RNF213: variants seen among roughly 807,000 people sequenced by gnomAD.
The protein encoded by RNF213 is E3 ubiquitin-protein ligase RNF213.
In RNF213, 341 loss-of-function variants were observed where a neutral mutation model predicts 514.4. That is an observed-to-expected ratio of 0.66 (90% CI 0.61 to 0.73). The LOEUF (loss-of-function observed/expected upper bound fraction) is 0.73, where lower values mean the gene tolerates loss of function less well. Among genes scored for constraint, RNF213 ranks in the 30% least tolerant of loss-of-function variants. The pLI, the probability that RNF213 is intolerant of heterozygous loss-of-function variation, is 0.00. For missense variants in RNF213, 5,767 were observed against 6,615.6 expected, an observed-to-expected ratio of 0.87 and a Z score of 4.45; for synonymous variants, 2,655 against 2,658.2, an observed-to-expected ratio of 1.00 and a Z score of 0.04.
In RNF213 at chr17:80,307,195, G is replaced by A. The variant is rs747763913; in HGVS notation, c.2495G>A (p.Arg832Gln). The A allele has an allele frequency of 2.0e-5, 32 of 1,613,350 alleles. No individual in the cohort carries two copies. Among genetic ancestry groups the A allele is most frequent in the African/African-American group, 5.3e-5 (4 of 74,806 alleles). ...CTGTTGCGACTCCTGGACACTTACC[G>A]GGACAAGTAAGTGGAAAGCACGATG... ...EMLLRLLDTYRDKIPEEALSP... is the reference protein window; with the variant it reads ...EMLLRLLDTYQDKIPEEALSP... Residue 832 changes from arginine (R) to glutamine (Q), a missense_variant, in exon 13 of 68, where the codon CGG becomes CAG. Arg to Gln is a conservative substitution (Grantham distance 43). This residue lies in a region of RNF213 where 592 missense variants were observed against 673.9 expected (regional missense o/e 0.88). Transcript: ENST00000582970.
At chr17:80,349,542 CT>C (rs960735449) in intron 29 of RNF213, among the ~76,000 whole-genome samples, 4 of 152,180 alleles carry the variant, frequency 2.6e-5, no homozygotes, top group African/African-American at 9.7e-5. Flanking sequence ...GGAAGGCACC[CT>C]CGGGGCAGGG....
intron 55 of RNF213, among the ~76,000 whole-genome samples, chr17:80,380,132 A>AT (rs2079928002): frequency 6.6e-6 from 1 of 152,104 alleles, no homozygotes; most frequent in Non-Finnish European, 1.5e-5. Flanking sequence ...TCCATTTTTT[A>AT]TTTTTTGAGA....
At chr17:80,318,608 C>G (rs1599012777) in intron 16 of RNF213, among the ~76,000 whole-genome samples, 1 of 151,862 alleles carries the variant, frequency 6.6e-6, no homozygotes, top group South Asian at 2.1e-4. Context: ...GGGTCTCGCT[C>G]TATCGCCCAG....
intron 60 of RNF213, 41 bp from the exon 61 acceptor site, chr17:80,385,497 G>C (rs1327744948): frequency 8.9e-6 from 14 of 1,580,278 alleles, no homozygotes; most frequent in African/African-American, 1.3e-5. Flanking sequence ...CTTTCAGGGG[G>C]TTGCTATCAT....
At chr17:80,318,855 G>A (rs1452859264) in intron 16 of RNF213, among the ~76,000 whole-genome samples, 1 of 152,138 alleles carries the variant, frequency 6.6e-6, no homozygotes, top group Non-Finnish European at 1.5e-5. Flanking sequence ...TGACAGGCGT[G>A]AGCCACCGCG....
intron 36 of RNF213, chr17:80,355,259 G>T (rs546472244): frequency 1.3e-5 from 6 of 455,758 alleles, no homozygotes; most frequent in South Asian, 3.1e-5. Context: ...CCAGTGATAG[G>T]TTCGCTTTGG....
chr17:80,386,337 TG>T lies in RNF213; in HGVS notation c.14630del (p.Gly4877AlafsTer11). On this transcript the variant is annotated frameshift_variant, in exon 62 of 68. Transcript: ENST00000582970. LOFTEE classifies it high-confidence loss of function. ...ATCCTCTTGCCACGCCGACGGGGCC[TG>T]GGCCTCTGTGCTACCGCTCTCGTCA... ...FEILLPRRRG[L>X]GLCATALVSY... 6.2e-7 allele frequency: 1 copy of T among 1,614,062 alleles called. No individual in the cohort carries two copies. Among genetic ancestry groups the T allele is most frequent in the Non-Finnish European group, 8.5e-7 (1 of 1,179,960 alleles).
At chr17:80,310,454 T>C (rs148067887) in intron 14 of RNF213, among the ~76,000 whole-genome samples, 22 of 152,044 alleles carry the variant, frequency 1.4e-4, no homozygotes, top group African/African-American at 5.1e-4. Context: ...GGTTTCACCA[T>C]GTTGGCCAAG....
intron 7 of RNF213, 55 bp downstream of exon 7, chr17:80,290,783 A>G: frequency 6.3e-7 from 1 of 1,598,130 alleles, no homozygotes; most frequent in Non-Finnish European, 8.6e-7. Flanking sequence ...TAGGATGCCC[A>G]GCCTGTGACA....
intron 3 of RNF213, among the ~76,000 whole-genome samples, chr17:80,284,734 C>T (rs573277585): frequency 1.3e-5 from 2 of 152,292 alleles, no homozygotes; most frequent in East Asian, 3.9e-4. Context: ...AGCCTCTCAT[C>T]AGCTGTTTCC....
intron 2 of RNF213, among the ~76,000 whole-genome samples, chr17:80,271,252 T>C (rs2043812742): frequency 6.6e-6 from 1 of 152,234 alleles, no homozygotes; most frequent in African/African-American, 2.4e-5. Flanking sequence ...TGATGTTTCA[T>C]GTGTGTCTTA....
chr17:80,285,954 G>A (rs1413922431), intron 3 of RNF213, among the ~76,000 whole-genome samples: 2 of 152,038 alleles, frequency 1.3e-5, no homozygotes, highest in African/African-American at 4.8e-5. Flanking sequence ...AGGATTACAG[G>A]CCTGAGCCAC....
chr17:80,336,796 C>T (rs374011219), intron 23 of RNF213: 109 of 337,252 alleles, frequency 3.2e-4, no homozygotes, highest in South Asian at 1.0e-3. Context: ...CCCAGCTACT[C>T]TGGAGGCTGA....
Position 80,339,388 on chromosome 17 carries a change from C to T in RNF213, c.5021C>T (p.Ala1674Val). 6.5e-7 allele frequency: 1 copy of T among 1,537,270 alleles called. No homozygotes were observed. The highest frequency in any genetic ancestry group is 1.4e-5 in the African/African-American group (1 of 73,174). Reference sequence around the variant, plus strand: ...GGTGGAGATGTCACTGAGCTGCTGGCAGCCCTCTGCAGGCAGATGGAGCAC... The same window carrying T: ...GGTGGAGATGTCACTGAGCTGCTGGTAGCCCTCTGCAGGCAGATGGAGCAC... ...KEGGDVTELL[A>V]ALCRQMEHFL... The change falls in exon 26 of 68, where the codon GCA (alanine) becomes GTA (valine). Residue 1674 changes from alanine to valine, a missense_variant. By Grantham distance (64) the Ala-to-Val change is moderately conservative. Around this residue, in one of 13 missense-constraint regions of RNF213, gnomAD observed 1,377 missense variants for 1,635.2 expected, o/e 0.84. Transcript: ENST00000582970.
intron 36 of RNF213, chr17:80,355,073 A>G: frequency 2.6e-6 from 1 of 391,228 alleles, no homozygotes; most frequent in South Asian, 1.9e-5. Flanking sequence ...GTGGCCGTGT[A>G]TTGAGGAAGG....
Position 80,319,241 on chromosome 17 carries a change from A to C in RNF213, c.2953A>C (p.Lys985Gln). 2 of 1,614,214 alleles carry C rather than the reference A, an allele frequency of 1.2e-6. No homozygotes were observed. The highest frequency in any genetic ancestry group is 1.7e-6 in the Non-Finnish European group (2 of 1,180,048). ...CTACTGCAATAGTTGCTGGGACACC[A>C]AAGGCTTAGAGGACAGTGTGGCCAA... ...TAYCNSCWDT[K>Q]GLEDSVAKTF... The change falls in exon 17 of 68, where the codon AAA (lysine) becomes CAA (glutamine). Residue 985 changes from lysine to glutamine, a missense_variant. By Grantham distance (53) the Lys-to-Gln change is moderately conservative. Coordinates refer to ENST00000582970, the MANE Select transcript of RNF213 (RefSeq NM_001256071.3).
intron 18 of RNF213, among the ~76,000 whole-genome samples, chr17:80,326,898 A>G (rs894811455): frequency 2.6e-5 from 4 of 152,234 alleles, no homozygotes; most frequent in South Asian, 2.1e-4. Flanking sequence ...ATCTTCTCCT[A>G]ATATTGTATG....
At chr17:80,307,270 A>C in intron 13 of RNF213, 69 bp downstream of exon 13, 15 of 1,338,092 alleles carry the variant, frequency 1.1e-5, no homozygotes, top group Non-Finnish European at 1.5e-5. Context: ...GACCCCTATA[A>C]TTGGCCGTGA....
chr17:80,388,185 C>T (rs914615676), intron 63 of RNF213, among the ~76,000 whole-genome samples: 8 of 152,130 alleles, frequency 5.3e-5, no homozygotes, highest in African/African-American at 1.4e-4. Flanking sequence ...AGGATGGTCT[C>T]GATCTCTTGA....
Sources: allele counts gnomAD v4.1 joint callset (sites outside exome capture counted in the v4.1 genomes callset), GRCh38; gene constraint gnomAD v4.1.1; regional missense constraint gnomAD v4.1.1; transcripts MANE v1.5; gene names NCBI Gene and HGNC (gene_info 2026-07-23, HGNC 2026-07-21).